The following TRPM8 variants were observed in gnomAD, a reference collection of about 807,000 sequenced individuals.
TRPM8 encodes the protein transient receptor potential cation channel subfamily M member 8, also known as TRPM8 cationic channel.
Under a neutral mutation model 133.7 loss-of-function variants are expected in TRPM8, and 110 were observed. The observed-to-expected ratio is 0.82, with a 90% CI of 0.70 to 0.96. The LOEUF is 0.96. TRPM8 is among the 40% of genes least tolerant of loss of function. The pLI is 0.00. For missense variants in TRPM8, 1,291 were observed against 1,379.5 expected, an observed-to-expected ratio of 0.94 and a Z score of 1.02; for synonymous variants, 535 against 532.3, an observed-to-expected ratio of 1.01 and a Z score of -0.07.
At chr2:233,953,780 C>A in intron 9 of TRPM8, 137 bp from the exon 10 acceptor site, 1 of 612,254 alleles carries the variant, frequency 1.6e-6, no homozygotes, top group Non-Finnish European at 2.9e-6. Flanking sequence ...GGACTCATTG[C>A]AATTCAGAAA....
At chr2:234,003,944 A>AGGGGTGAGGTTGAGAAGGC (rs1401035885) in intron 22 of TRPM8, among the ~76,000 whole-genome samples, 1 of 152,212 alleles carries the variant, frequency 6.6e-6, no homozygotes, top group African/African-American at 2.4e-5. Context: ...ACTCCAGATT[A>AGGGGTGAGGTTGAGAAGGC]GGGGTGAGGT....
intron 18 of TRPM8, among the ~76,000 whole-genome samples, chr2:233,980,682 A>C (rs1691984150): frequency 1.3e-5 from 2 of 152,184 alleles, no homozygotes; most frequent in Non-Finnish European, 2.9e-5. Context: ...GGAGAAATAA[A>C]TAGAAATTGA....
At position 234,018,112 on chromosome 2, in the gene TRPM8, T is replaced by C. The variant is rs1397518828; in HGVS notation, c.*856T>C. ...CTGCTAACAATTTCTGGATGGTTTT[T>C]CAAGTCTATTTTTTTTCTATGTATG... is the stretch of plus-strand genomic sequence containing the variant. On this transcript the variant is annotated 3_prime_UTR_variant, in exon 26 of 26. Transcript: ENST00000324695. The C allele has an allele frequency of 6.6e-6, 1 of 152,220 alleles. No individual in the cohort carries two copies. The highest frequency in any genetic ancestry group is 1.5e-5 in the Non-Finnish European group (1 of 68,040). The allele number at this position is 152,220 out of a possible 1,614,324, so 9.4% of individuals were successfully genotyped here. A position where few individuals can be genotyped will look rare whatever the true frequency, so the allele number is the denominator to read the frequency against.
intron 4 of TRPM8, among the ~76,000 whole-genome samples, chr2:233,937,757 G>A (rs12470426): frequency 0.08 from 12,183 of 152,218 alleles, 610 homozygotes; most frequent in Middle Eastern, 0.14. Flanking sequence ...CGCAAGGCAG[G>A]CATCCACGTC....
chr2:233,979,991 C>A, intron 17 of TRPM8, 197 bp from the exon 18 acceptor site: 1 of 589,164 alleles, frequency 1.7e-6, no homozygotes, highest in Non-Finnish European at 3.0e-6. Flanking sequence ...GCAGAACAGC[C>A]AGTGTGCTAC....
intron 1 of TRPM8, among the ~76,000 whole-genome samples, chr2:233,921,121 A>G (rs1691397018): frequency 6.6e-6 from 1 of 152,112 alleles, no homozygotes; most frequent in Admixed American, 6.5e-5. Context: ...TTGGCCTCCC[A>G]AAGTGCTCGG....
chr2:234,009,393 G>T (rs1424679883), intron 24 of TRPM8, among the ~76,000 whole-genome samples: 1 of 152,244 alleles, frequency 6.6e-6, no homozygotes, highest in Admixed American at 6.5e-5. Flanking sequence ...GCCACACCTT[G>T]GTCCTGATCC....
Position 233,939,155 on chromosome 2 carries a change from T to G in TRPM8, c.506T>G (p.Ile169Ser). 1 of 1,614,098 alleles carries G rather than the reference T, an allele frequency of 6.2e-7. No individual in the cohort carries two copies. The highest frequency in any genetic ancestry group is 1.7e-5 in the Admixed American group (1 of 60,032). ...ATGCGCAAGATCTTCAGCCGGCTCA[T>G]CTACATCGCGCAGTCCAAAGGTGAG... is the stretch of plus-strand genomic sequence containing the variant. ...PRMRKIFSRL[I>S]YIAQSKGAWI... Residue 169 changes from isoleucine to serine, a missense_variant, in exon 5 of 26, where the codon ATC (isoleucine) becomes AGC (serine). Ile to Ser is a moderately radical substitution (Grantham distance 142). This residue lies in a region of TRPM8 where 963 missense variants were observed against 968.9 expected (regional missense o/e 0.99). Transcript: ENST00000324695.
chr2:233,943,047 C>G, intron 6 of TRPM8: 1 of 425,884 alleles, frequency 2.3e-6, no homozygotes, highest in Non-Finnish European at 4.1e-6. Flanking sequence ...CTCAGGCGGG[C>G]TCAAAGCCAA....
chr2:233,996,357 G>C lies in TRPM8; in HGVS notation c.2971G>C (p.Asp991His). 1 of 1,614,134 alleles carries C rather than the reference G, an allele frequency of 6.2e-7. No homozygotes were observed. Among genetic ancestry groups the C allele is most frequent in the Non-Finnish European group, 8.5e-7 (1 of 1,180,030 alleles). ...YTVGTVQENNDQVWKFQRYFL... is the reference protein window; with the variant it reads ...YTVGTVQENNHQVWKFQRYFL... ...GGTGGGCACCGTCCAGGAGAACAAT[G>C]ACCAGGTCTGGAAGTTCCAGAGGTA... Residue 991 changes from aspartate (D) to histidine (H), a missense_variant, in exon 22 of 26, where the codon GAC becomes CAC. This residue lies in a region of TRPM8 where 328 missense variants were observed against 410.6 expected (regional missense o/e 0.80). Transcript: ENST00000324695.
Position 233,960,766 on chromosome 2 carries a change from T to C in TRPM8, c.1363-10T>C. Reference sequence around the variant, plus strand: ...GTATTGTTAGTACTGTCTCTGTTCTTTCTCCTTAGTCTGCTGACCTTCAAG... The same window carrying C: ...GTATTGTTAGTACTGTCTCTGTTCTCTCTCCTTAGTCTGCTGACCTTCAAG... On this transcript the variant is annotated splice_polypyrimidine_tract_variant and intron_variant, in intron 11 of 25. Transcript: ENST00000324695. The C allele has an allele frequency of 1.9e-6, 3 of 1,612,480 alleles. No individual in the cohort carries two copies. The highest frequency in any genetic ancestry group is 2.5e-6 in the Non-Finnish European group (3 of 1,178,866).
intron 24 of TRPM8, among the ~76,000 whole-genome samples, chr2:234,009,911 C>T (rs1276170934): frequency 6.6e-6 from 1 of 152,152 alleles, no homozygotes; most frequent in Non-Finnish European, 1.5e-5. Context: ...ATGATCACTA[C>T]AACCGAGCCC....
chr2:233,947,107 G>A lies in TRPM8; in HGVS notation c.894G>A (p.Lys298=), dbSNP rs200889185. 11 of 1,613,956 alleles carry A rather than the reference G, an allele frequency of 6.8e-6. 1 individual carries two copies. The highest frequency in any genetic ancestry group is 3.3e-5 in the South Asian group (3 of 91,076). ...RTIQDSNYGG[K]IPIVCFAQGG... ...TTACAGATTCCAACTATGGTGGCAA[G>A]ATCCCCATTGTGTGTTTTGCCCAAG... Residue 298 remains lysine (K), a synonymous_variant, in exon 8 of 26, where the codon AAG becomes AAA. Transcript: ENST00000324695.
chr2:233,969,164 A>G (rs762833272), intron 15 of TRPM8, among the ~76,000 whole-genome samples: 1 of 152,164 alleles, frequency 6.6e-6, no homozygotes, highest in Non-Finnish European at 1.5e-5. Flanking sequence ...ACATAATGCA[A>G]CTCAGAAAAA....
chr2:233,987,537 G>A (rs1432150406), intron 21 of TRPM8, among the ~76,000 whole-genome samples: 1 of 152,190 alleles, frequency 6.6e-6, no homozygotes, highest in Non-Finnish European at 1.5e-5. Context: ...ATACCTCTGG[G>A]GACATCACAT....
In TRPM8 at chr2:233,955,159, A is replaced by T; in HGVS notation, c.1271A>T (p.Asp424Val). ...TTCAGCACCAGTGAGCAAGACAAGG[A>T]TAACTGGAATGGGCAGCTGAAGCTT... The part of the protein sequence containing the change: ...KAFSTSEQDK[D>V]NWNGQLKLLL... Residue 424 changes from aspartate (D) to valine (V), a missense_variant, in exon 11 of 26, where the codon GAT becomes GTT. Physicochemically the swap from Asp to Val is radical, Grantham distance 152. Transcript: ENST00000324695. 6.2e-7 allele frequency: 1 copy of T among 1,614,184 alleles called. No individual in the cohort carries two copies. The highest frequency in any genetic ancestry group is 1.1e-5 in the South Asian group (1 of 91,082).
chr2:233,946,795 C>T (rs148863835), intron 7 of TRPM8, among the ~76,000 whole-genome samples: 1 of 152,192 alleles, frequency 6.6e-6, no homozygotes, highest in Non-Finnish European at 1.5e-5. Flanking sequence ...TAAACTTAAA[C>T]CTAGTTTAAT....
intron 20 of TRPM8, among the ~76,000 whole-genome samples, chr2:233,983,806 A>G (rs1692074758): frequency 6.6e-6 from 1 of 152,142 alleles, no homozygotes. Flanking sequence ...TTGGCTTGTC[A>G]TTTCCTACCC....
intron 22 of TRPM8, among the ~76,000 whole-genome samples, chr2:233,999,147 G>A (rs1479383577): frequency 6.6e-6 from 1 of 151,924 alleles, no homozygotes; most frequent in Non-Finnish European, 1.5e-5. Context: ...TCCCTCCTGG[G>A]GCAGGGCAGG....
Sources: gnomAD v4.1 joint callset for allele counts (sites outside exome capture counted in the v4.1 genomes callset) on GRCh38, gnomAD v4.1.1 for gene constraint, gnomAD v4.1.1 regional missense constraint, MANE v1.5 for transcripts, NCBI Gene and HGNC (gene_info 2026-07-23, HGNC 2026-07-21) for gene names.